The following TRPM4 variants were observed in gnomAD, a reference collection of about 807,000 sequenced individuals.
TRPM4 encodes the protein transient receptor potential cation channel subfamily M member 4, also known as calcium-activated non-selective cation channel 1.
In TRPM4, 124 loss-of-function variants were observed where a neutral mutation model predicts 135.6. The ratio of observed to expected loss-of-function variants is 0.91; its 90% confidence interval spans 0.79 to 1.06. The LOEUF is 1.06. TRPM4 is among the 50% of genes least tolerant of loss of function. The pLI is 0.00. For missense variants in TRPM4, 1,658 were observed against 1,671.4 expected, an observed-to-expected ratio of 0.99 and a Z score of 0.14; for synonymous variants, 745 against 705.6, an observed-to-expected ratio of 1.06 and a Z score of -0.88.
chr19:49,175,617 G>T (rs1190825401), intron 9 of TRPM4, among the ~76,000 whole-genome samples: 1 of 150,968 alleles, frequency 6.6e-6, no homozygotes, highest in Non-Finnish European at 1.5e-5. Flanking sequence ...TTGTGGTGTG[G>T]TATATATTTT....
chr19:49,164,760 T>C (rs1967110982), intron 2 of TRPM4, among the ~76,000 whole-genome samples: 2 of 151,770 alleles, frequency 1.3e-5, no homozygotes, highest in South Asian at 4.2e-4. Context: ...GAACAGGGTC[T>C]CACTCTGTTG....
At position 49,157,819 on chromosome 19, in the gene TRPM4, G is replaced by T. The variant is rs1049834360; in HGVS notation, c.-48G>T. The T allele has an allele frequency of 6.5e-7, 1 of 1,533,564 alleles. No individual in the cohort carries two copies. Among genetic ancestry groups the T allele is most frequent in the East Asian group, 2.4e-5 (1 of 40,884 alleles). 95.0% of individuals were successfully genotyped at this position (1,533,564 alleles called of 1,614,324 possible). ...GGGTCTGGAAGCAGAGCCGGCGGAG[G>T]GAGCGCCGGGGCCCTGGGCTGCAGG... On this transcript the variant is annotated 5_prime_UTR_variant, in exon 1 of 25. Transcript: ENST00000252826.
At chr19:49,170,722 C>G (rs1967421154) in intron 6 of TRPM4, among the ~76,000 whole-genome samples, 1 of 152,252 alleles carries the variant, frequency 6.6e-6, no homozygotes, top group African/African-American at 2.4e-5. Context: ...CCTCAGCCCC[C>G]TCCTCCCTGG....
chr19:49,178,736 G>A (rs1446051219), intron 9 of TRPM4, among the ~76,000 whole-genome samples: 1 of 122,996 alleles, frequency 8.1e-6, no homozygotes, highest in South Asian at 3.0e-4. Context: ...TATAAAGCAA[G>A]GTATTATTAT....
At chr19:49,162,775 T>C (rs1203722688) in intron 2 of TRPM4, among the ~76,000 whole-genome samples, 1 of 152,074 alleles carries the variant, frequency 6.6e-6, no homozygotes, top group African/African-American at 2.4e-5. Context: ...ACTGAATTTT[T>C]TTTTGAGGTG....
intron 2 of TRPM4, 85 bp from the exon 3 acceptor site, chr19:49,165,956 C>A: frequency 7.3e-7 from 1 of 1,363,494 alleles, no homozygotes; most frequent in Non-Finnish European, 1.0e-6. Flanking sequence ...TGTCGACAGC[C>A]CCCTCTACAG....
chr19:49,194,114 ACTTCTCCTCTTCATCCTC>A lies in TRPM4; in HGVS notation c.2211-2313_2211-2296del, dbSNP rs1463089622. 2.6e-4 allele frequency among the ~76,000 whole-genome samples: 9 copies of A among 34,304 alleles called. No homozygotes were observed. In the East Asian group the frequency reaches 5.4e-3, roughly 21 times the overall value. 22.5% of individuals were successfully genotyped at this position (34,304 alleles called of 152,430 possible). ...TGCTCCTCCGCCTTCTCCTCATCCT[ACTTCTCCTCTTCATCCTC>A]CTTCTCCTCTTCCTCCTCTTCATCC... is the stretch of plus-strand genomic sequence containing the variant. On this transcript the variant is annotated intron_variant, in intron 16 of 24. Transcript: ENST00000252826.
chr19:49,163,401 G>A (rs562774053), intron 2 of TRPM4, among the ~76,000 whole-genome samples: 3 of 150,946 alleles, frequency 2.0e-5, no homozygotes, highest in South Asian at 4.2e-4. Flanking sequence ...TCACTATGTT[G>A]GCCAGGCTGG....
At chr19:49,175,807 T>G (rs994449720) in intron 9 of TRPM4, among the ~76,000 whole-genome samples, 6 of 150,444 alleles carry the variant, frequency 4.0e-5, no homozygotes, top group Non-Finnish European at 1.5e-5. Context: ...CTCTCTATTT[T>G]TAGTAGAGAC....
In TRPM4 at chr19:49,187,057, C is replaced by T. The variant is rs1035935411; in HGVS notation, c.1744-1584C>T. On this transcript the variant is annotated intron_variant, in intron 12 of 24. Coordinates refer to ENST00000252826, the MANE Select transcript of TRPM4 (RefSeq NM_017636.4). ...TCTGAATTGCTCCCTCTAGTACTAGCGACCCACACCAGGAATGTGTGTCTT... is the reference window on the plus strand; with the variant it reads ...TCTGAATTGCTCCCTCTAGTACTAGTGACCCACACCAGGAATGTGTGTCTT... 5.3e-5 allele frequency among the ~76,000 whole-genome samples: 8 copies of T among 151,958 alleles called. No homozygotes were observed. In the East Asian group the frequency reaches 7.7e-4, roughly 15 times the overall value.
At position 49,210,079 on chromosome 19, in the gene TRPM4, C is replaced by A; in HGVS notation, c.3132-130C>A. 9.6e-7 allele frequency: 1 copy of A among 1,044,602 alleles called. No homozygotes were observed. The highest frequency in any genetic ancestry group is 2.4e-5 in the East Asian group (1 of 41,730). 64.7% of individuals were successfully genotyped at this position (1,044,602 alleles called of 1,614,324 possible). A position where few individuals can be genotyped will look rare whatever the true frequency, so the allele number is the denominator to read the frequency against. ...CTGACTTCTAATCGCATCCTGTAAC[C>A]TCTGACTTTAGTGATCTTGACTTCT... On this transcript the variant is annotated intron_variant, in intron 20 of 24. Coordinates refer to ENST00000252826, the MANE Select transcript of TRPM4 (RefSeq NM_017636.4). This position sits in a 1 kb window ranked among gnomAD's most constrained non-coding sequence, Gnocchi z 4.1.
intron 9 of TRPM4, among the ~76,000 whole-genome samples, chr19:49,178,737 G>GTATTATTATTATTATTATTATTATTAT (rs35033537): frequency 8.4e-6 from 1 of 118,746 alleles, no homozygotes; most frequent in Non-Finnish European, 1.9e-5. Context: ...ATAAAGCAAG[G>GTATTATTATTATTATTATTATTATTAT]TATTATTATT....
chr19:49,168,516 A>G (rs1006381109), intron 5 of TRPM4, 37 bp from the exon 6 acceptor site: 7 of 1,613,522 alleles, frequency 4.3e-6, no homozygotes, highest in Non-Finnish European at 5.9e-6. Flanking sequence ...TCTGGCCCCG[A>G]TGAGGAGACG....
rs2122839436 is a variant in TRPM4, at chr19:49,172,084, A to G, written c.1126A>G (p.Ile376Val). The change falls in exon 9 of 25, where the codon ATA becomes GTA. Residue 376 changes from isoleucine to valine, a missense_variant. Ile to Val is a conservative substitution (Grantham distance 29, BLOSUM62 3). Coordinates refer to ENST00000252826, the MANE Select transcript of TRPM4 (RefSeq NM_017636.4). ...GGATGGGTCTGAGGAATTCGAGACCATAGTTTTGAAGGCCCTTGTGAAGGG... is the reference window on the plus strand; with the variant it reads ...GGATGGGTCTGAGGAATTCGAGACCGTAGTTTTGAAGGCCCTTGTGAAGGG... ...SEDGSEEFETIVLKALVKACG... is the reference protein window; with the variant it reads ...SEDGSEEFETVVLKALVKACG... The G allele has an allele frequency of 6.2e-7, 1 of 1,613,972 alleles. No homozygotes were observed. Among genetic ancestry groups the G allele is most frequent in the Non-Finnish European group, 8.5e-7 (1 of 1,179,898 alleles).
At chr19:49,189,541 C>CTT (rs142961946) in intron 14 of TRPM4, among the ~76,000 whole-genome samples, 50 of 145,144 alleles carry the variant, frequency 3.4e-4, no homozygotes, top group African/African-American at 7.8e-4. Flanking sequence ...GAACAATTAC[C>CTT]TTTTTTTTTT....
At position 49,188,562 on chromosome 19, in the gene TRPM4, T is replaced by C. The variant is rs1291786137; in HGVS notation, c.1744-79T>C. The C allele has an allele frequency of 3.1e-6, 5 of 1,605,110 alleles. No individual in the cohort carries two copies. The African/African-American group carries it at 5.4e-5, about 17-fold the overall frequency. ...CCAGTTAGTTTCTGACCTCTGACTC[T>C]GTTCCTTCCCTTGACTTCAGGCTTC... On this transcript the variant is annotated intron_variant, in intron 12 of 24. Coordinates refer to ENST00000252826, the MANE Select transcript of TRPM4 (RefSeq NM_017636.4).
chr19:49,161,494 A>G (rs1966962918), intron 2 of TRPM4, among the ~76,000 whole-genome samples: 1 of 150,126 alleles, frequency 6.7e-6, no homozygotes, highest in Non-Finnish European at 1.5e-5. Flanking sequence ...GGCTAATTTT[A>G]AAATTTTTTG....
In TRPM4 at chr19:49,171,544, G is replaced by C; in HGVS notation, c.859-34G>C. The C allele has an allele frequency of 4.3e-6, 7 of 1,613,822 alleles. No individual in the cohort carries two copies. Among genetic ancestry groups the C allele is most frequent in the Non-Finnish European group, 5.9e-6 (7 of 1,179,832 alleles). On this transcript the variant is annotated intron_variant, in intron 7 of 24. Transcript: ENST00000252826. The surrounding 1 kb of genome is among the most constrained non-coding windows in gnomAD (Gnocchi z 4.7). ...GTAGGGTGAATATCCTGCCTTTTCT[G>C]ACGTGATGAATAAAGAATGCCTTTA...
At position 49,211,095 on chromosome 19, in the gene TRPM4, C is replaced by T; in HGVS notation, c.3534+8C>T. On this transcript the variant is annotated splice_region_variant and intron_variant, in intron 23 of 24. Transcript: ENST00000252826. The surrounding 1 kb of genome is among the most constrained non-coding windows in gnomAD (Gnocchi z 4.8). The stretch of plus-strand genomic sequence containing the variant: ...AAAGTGCTGGAGCGGGAGGTGAGGC[C>T]TTGGGGCCTGGCTGGGGGACTGTGG... 2 of 1,613,910 alleles carry T rather than the reference C, an allele frequency of 1.2e-6. No individual in the cohort carries two copies. Among genetic ancestry groups the T allele is most frequent in the Non-Finnish European group, 8.5e-7 (1 of 1,179,922 alleles).
Sources: gnomAD v4.1 joint callset for allele counts (sites outside exome capture counted in the v4.1 genomes callset) on GRCh38, gnomAD v4.1.1 for gene constraint, Gnocchi (gnomAD v3.1) non-coding constraint, MANE v1.5 for transcripts, NCBI Gene and HGNC (gene_info 2026-07-23, HGNC 2026-07-21) for gene names.